ARHGAP32: variants seen among roughly 807,000 people sequenced by gnomAD.
ARHGAP32 encodes the protein Rho GTPase activating protein 32, also known as rho GTPase-activating protein 32.
A neutral mutation model predicts 186.5 loss-of-function variants in ARHGAP32; 51 were observed. That is an observed-to-expected ratio of 0.27 (90% confidence interval 0.22 to 0.35). The LOEUF (loss-of-function observed/expected upper bound fraction) is 0.35, where lower values mean the gene tolerates loss of function less well. Among genes scored for constraint, ARHGAP32 ranks in the 10% least tolerant of loss-of-function variants. The pLI, the probability that ARHGAP32 is intolerant of heterozygous loss-of-function variation, is 1.00. For missense variants in ARHGAP32, 2,186 were observed against 2,623.5 expected, an observed-to-expected ratio of 0.83 and a Z score of 3.64; for synonymous variants, 950 against 964.3, an observed-to-expected ratio of 0.99 and a Z score of 0.27.
rs138841188 is a variant in ARHGAP32, at chr11:129,168,463, C to T, written c.117-4036G>A. On this transcript the variant is annotated intron_variant, in intron 1 of 22. Transcript: ENST00000682385. ...TAAAAGCATCAAATTAACAGGTTAA[C>T]ACAATTTATATGCAATAAGTTGTAA... is the stretch of plus-strand genomic sequence containing the variant. Among the ~76,000 whole-genome samples, 190 of 152,174 alleles carry T rather than the reference C, an allele frequency of 1.2e-3. 1 individual carries two copies. Among genetic ancestry groups the T allele is most frequent in the Admixed American group, 2.4e-3 (36 of 15,278 alleles).
In ARHGAP32 at chr11:129,106,967, T is replaced by G. The variant is rs373988831; in HGVS notation, c.445-13260A>C. ...CCAAATTTGATGAAAGACATAAATGTGCACATCCAAAATCCAAAGAGTTCC... is the reference window on the plus strand; with the variant it reads ...CCAAATTTGATGAAAGACATAAATGGGCACATCCAAAATCCAAAGAGTTCC... On this transcript the variant is annotated intron_variant, in intron 5 of 22. Transcript: ENST00000682385. 7.4e-4 allele frequency among the ~76,000 whole-genome samples: 113 copies of G among 152,252 alleles called. 2 individuals carry two copies. The South Asian group carries it at 0.023, about 31-fold the overall frequency.
intron 11 of ARHGAP32, among the ~76,000 whole-genome samples, chr11:128,999,359 C>G (rs936726695): frequency 6.6e-6 from 1 of 152,138 alleles, no homozygotes; most frequent in Non-Finnish European, 1.5e-5. Context: ...GCTCTTGAAC[C>G]CTGTTTCCTG....
At chr11:129,169,447 C>T (rs920459514) in intron 1 of ARHGAP32, among the ~76,000 whole-genome samples, 5 of 151,640 alleles carry the variant, frequency 3.3e-5, no homozygotes, top group East Asian at 1.9e-4. Flanking sequence ...CTGCCTAATA[C>T]GGTGAAACCC....
intron 1 of ARHGAP32, among the ~76,000 whole-genome samples, chr11:129,255,451 GATC>G (rs1249504955): frequency 1.3e-5 from 2 of 152,022 alleles, no homozygotes; most frequent in Non-Finnish European, 2.9e-5. Flanking sequence ...AAATAAAACA[GATC>G]ATCTCTCAGA....
At chr11:129,160,699 G>C (rs535766497) in intron 2 of ARHGAP32, among the ~76,000 whole-genome samples, 2 of 152,218 alleles carry the variant, frequency 1.3e-5, no homozygotes, top group Admixed American at 6.5e-5. Flanking sequence ...TCATGGATAG[G>C]AAGAATCAAT....
chr11:129,114,275 T>G (rs1942304095), intron 5 of ARHGAP32, among the ~76,000 whole-genome samples: 1 of 152,114 alleles, frequency 6.6e-6, no homozygotes, highest in African/African-American at 2.4e-5. Context: ...TGGCTGAGGG[T>G]TCTTCACTTC....
At chr11:129,164,911 T>C (rs1943602404) in intron 1 of ARHGAP32, among the ~76,000 whole-genome samples, 1 of 152,146 alleles carries the variant, frequency 6.6e-6, no homozygotes, top group South Asian at 2.1e-4. Context: ...ATAAAACAGC[T>C]TGTCTGAAGG....
chr11:129,181,357 G>T (rs1000057620), intron 1 of ARHGAP32, among the ~76,000 whole-genome samples: 12 of 152,054 alleles, frequency 7.9e-5, no homozygotes, highest in Admixed American at 7.2e-4. Flanking sequence ...CCACTGGAGA[G>T]AACAGCTCTT....
At chr11:129,022,907 T>TA (rs35593701) in intron 11 of ARHGAP32, among the ~76,000 whole-genome samples, 4 of 152,092 alleles carry the variant, frequency 2.6e-5, no homozygotes, top group Non-Finnish European at 4.4e-5. Context: ...CATTCTTTTT[T>TA]AAAAAAAGAA....
At chr11:129,268,005 T>G (rs1049408966) in intron 1 of ARHGAP32, among the ~76,000 whole-genome samples, 6 of 152,116 alleles carry the variant, frequency 3.9e-5, no homozygotes, top group Non-Finnish European at 7.4e-5. Context: ...TCCACTCTCA[T>G]GACCCAAAAA....
At chr11:129,242,276 A>G (rs986149351) in intron 1 of ARHGAP32, among the ~76,000 whole-genome samples, 8 of 152,222 alleles carry the variant, frequency 5.3e-5, no homozygotes, top group Non-Finnish European at 1.2e-4. Flanking sequence ...AGCCCTGTTC[A>G]GAGGGCTAGT....
At chr11:128,991,904 C>T (rs1332909688) in intron 12 of ARHGAP32, among the ~76,000 whole-genome samples, 1 of 151,912 alleles carries the variant, frequency 6.6e-6, no homozygotes, top group Admixed American at 6.6e-5. Flanking sequence ...TTCGTTTCTG[C>T]TCTTTTCTCT....
intron 1 of ARHGAP32, among the ~76,000 whole-genome samples, chr11:129,165,288 G>A (rs1943612121): frequency 6.6e-6 from 1 of 151,936 alleles, no homozygotes. Flanking sequence ...AAAGAGGCAA[G>A]TAGACATTTT....
intron 5 of ARHGAP32, among the ~76,000 whole-genome samples, chr11:129,104,396 T>G (rs1357897234): frequency 6.6e-6 from 1 of 152,046 alleles, no homozygotes; most frequent in Non-Finnish European, 1.5e-5. Flanking sequence ...TTCTAAATGC[T>G]GATACTTTAT....
chr11:129,151,644 T>C (rs1034932096), intron 2 of ARHGAP32, among the ~76,000 whole-genome samples: 1 of 152,094 alleles, frequency 6.6e-6, no homozygotes, highest in Admixed American at 6.6e-5. Flanking sequence ...GAAATCAACA[T>C]GGAAATTTAA....
intron 6 of ARHGAP32, among the ~76,000 whole-genome samples, chr11:129,074,422 TA>T (rs1292574603): frequency 3.3e-5 from 5 of 152,286 alleles, no homozygotes; most frequent in Non-Finnish European, 5.9e-5. Flanking sequence ...TGACGCAGTA[TA>T]ATTATTTGAA....
At chr11:129,064,076 T>C in intron 8 of ARHGAP32, 52 bp from the exon 9 acceptor site, 1 of 1,495,482 alleles carries the variant, frequency 6.7e-7, no homozygotes, top group Non-Finnish European at 9.0e-7. Flanking sequence ...TTGCAAATGC[T>C]TCTTTGACTA....
At chr11:129,228,839 C>A (rs923926318) in intron 1 of ARHGAP32, among the ~76,000 whole-genome samples, 4 of 152,094 alleles carry the variant, frequency 2.6e-5, no homozygotes, top group African/African-American at 9.7e-5. Context: ...GCATGTCCTG[C>A]ACATGTATCC....
chr11:129,188,882 T>C (rs1187785980), intron 1 of ARHGAP32, among the ~76,000 whole-genome samples: 1 of 152,300 alleles, frequency 6.6e-6, no homozygotes, highest in East Asian at 1.9e-4. Flanking sequence ...TGCTTCAAAT[T>C]ATATGTCATA....
Sources: gnomAD v4.1 joint callset for allele counts (sites outside exome capture counted in the v4.1 genomes callset) on GRCh38, gnomAD v4.1.1 for gene constraint, MANE v1.5 for transcripts, NCBI Gene and HGNC (gene_info 2026-07-23, HGNC 2026-07-21) for gene names.